MFSD8: variants seen among roughly 807,000 people sequenced by gnomAD.
MFSD8 encodes major facilitator superfamily domain containing 8, also known as major facilitator superfamily domain-containing protein 8.
Under a neutral mutation model 66.4 loss-of-function variants are expected in MFSD8, and 55 were observed. The ratio of observed to expected loss-of-function variants is 0.83; its 90% confidence interval spans 0.67 to 1.04. MFSD8 has a LOEUF of 1.04. Among genes scored for constraint, MFSD8 ranks in the 50% least tolerant of loss-of-function variants. The pLI is 0.00. For synonymous variants in MFSD8, 202 were observed against 212.8 expected (o/e 0.95, Z 0.44); for missense variants, 550 against 627.6 (o/e 0.88, Z 1.32).
chr4:127,928,853 T>A (rs942000632), intron 9 of MFSD8, among the ~76,000 whole-genome samples: 1 of 152,154 alleles, frequency 6.6e-6, no homozygotes, highest in African/African-American at 2.4e-5. Flanking sequence ...TGGTCATCAA[T>A]GGATGAATGG....
chr4:127,932,942 T>A (rs1408833218), intron 8 of MFSD8, 43 bp downstream of exon 8: 1 of 1,539,730 alleles, frequency 6.5e-7, no homozygotes, highest in Non-Finnish European at 9.0e-7. Context: ...GAAATAAAGG[T>A]TAAAACATAA....
chr4:127,939,711 T>C, intron 6 of MFSD8, 142 bp downstream of exon 6: 1 of 808,584 alleles, frequency 1.2e-6, no homozygotes, highest in Non-Finnish European at 1.9e-6. Flanking sequence ...CATGCTTTAG[T>C]ACTACCTGAC....
chr4:127,946,587 T>C (rs997953345), intron 3 of MFSD8, among the ~76,000 whole-genome samples: 1 of 152,246 alleles, frequency 6.6e-6, no homozygotes, highest in East Asian at 1.9e-4. Flanking sequence ...CCTTTAAAAA[T>C]ATATTTTAGG....
chr4:127,953,571 T>G (rs1476211608), intron 2 of MFSD8, among the ~76,000 whole-genome samples: 1 of 139,630 alleles, frequency 7.2e-6, no homozygotes, highest in African/African-American at 2.8e-5. Context: ...TTTTTTTTTT[T>G]GAGACGGAAT....
intron 9 of MFSD8, among the ~76,000 whole-genome samples, chr4:127,929,280 G>T (rs1219729494): frequency 8.5e-6 from 1 of 117,730 alleles, no homozygotes; most frequent in East Asian, 2.5e-4. Flanking sequence ...CTGAGATCGT[G>T]CCACTGCACT....
intron 7 of MFSD8, among the ~76,000 whole-genome samples, chr4:127,936,567 G>GA (rs949729145): frequency 1.7e-4 from 26 of 149,662 alleles, no homozygotes; most frequent in African/African-American, 2.9e-4. Context: ...CTCTATTAAA[G>GA]AAAAAAAAAC....
At chr4:127,964,017 G>C (rs1333284706) in intron 1 of MFSD8, among the ~76,000 whole-genome samples, 12 of 152,172 alleles carry the variant, frequency 7.9e-5, no homozygotes, top group Admixed American at 7.9e-4. Flanking sequence ...GTGTCGACTG[G>C]TGCATTCACA....
Position 127,938,835 on chromosome 4 carries a change from T to A in MFSD8, c.702A>T (p.Glu234Asp). ...GTCTTCCTGAGTCATCCACACGATG[T>A]TCTCTTAAAAAGAAAAACACAAATA... The part of the protein sequence containing the change: ...NIILILAILR[E>D]HRVDDSGRQC... Residue 234 changes from glutamate (E) to aspartate (D), a missense_variant, in exon 7 of 12, where the codon GAA (glutamate) becomes GAT (aspartate). By Grantham distance (45) the Glu-to-Asp change is conservative. Transcript: ENST00000641686. 1 of 1,607,060 alleles carries A rather than the reference T, an allele frequency of 6.2e-7. No homozygotes were observed. The highest frequency in any genetic ancestry group is 1.1e-5 in the South Asian group (1 of 90,346).
chr4:127,957,243 G>A lies in MFSD8; in HGVS notation c.154+258C>T, dbSNP rs114115648. On this transcript the variant is annotated intron_variant, in intron 2 of 11. Coordinates refer to ENST00000641686, the MANE Select transcript of MFSD8 (RefSeq NM_001371596.2). Reference sequence around the variant, plus strand: ...GAAACAAAGTTTGCTAGGGCTTGGGGGATGGGAAAATAGGGAGTTGTTTAA... The same window carrying A: ...GAAACAAAGTTTGCTAGGGCTTGGGAGATGGGAAAATAGGGAGTTGTTTAA... Among the ~76,000 whole-genome samples the A allele has an allele frequency of 0.026, 3,982 of 152,190 alleles. 154 individuals are homozygous for A. Among genetic ancestry groups the A allele is most frequent in the African/African-American group, 0.091 (3,779 of 41,504 alleles).
chr4:127,957,790 A>G (rs1045573334), intron 1 of MFSD8, among the ~76,000 whole-genome samples, 198 bp from the exon 2 acceptor site: 1 of 152,228 alleles, frequency 6.6e-6, no homozygotes, highest in African/African-American at 2.4e-5. Flanking sequence ...GCATTATTGT[A>G]TACAGAAATT....
In MFSD8 at chr4:127,950,147, A is replaced by G. The variant is rs4426798; in HGVS notation, c.155-300T>C. Among the ~76,000 whole-genome samples the G allele has an allele frequency of 0.03, 4,560 of 152,296 alleles. 288 individuals are homozygous for G. Among genetic ancestry groups the G allele is most frequent in the East Asian group, 0.26 (1,343 of 5,162 alleles). On this transcript the variant is annotated intron_variant, in intron 2 of 11. Transcript: ENST00000641686. ...ACCAAAAGCTTTGTTAAGTTTTTAT[A>G]GCAGAAATGAATGGAGGAAAGGCTA... is the stretch of plus-strand genomic sequence containing the variant.
At chr4:127,922,809 A>G (rs1427037642) in intron 9 of MFSD8, among the ~76,000 whole-genome samples, 1 of 152,176 alleles carries the variant, frequency 6.6e-6, no homozygotes, top group Non-Finnish European at 1.5e-5. Context: ...CTTCATGGTA[A>G]GTATTCTAGC....
At chr4:127,923,552 T>TTTTTTA (rs1553944537) in intron 9 of MFSD8, among the ~76,000 whole-genome samples, 194 of 130,560 alleles carry the variant, frequency 1.5e-3, no homozygotes, top group East Asian at 2.2e-3. Context: ...TTTATTTTTA[T>TTTTTTA]TTATTATTAT....
intron 7 of MFSD8, among the ~76,000 whole-genome samples, chr4:127,938,354 C>T (rs1467002597): frequency 3.3e-5 from 5 of 151,726 alleles, no homozygotes; most frequent in Admixed American, 1.3e-4. Context: ...GAGGCCGAGG[C>T]GGGTGGATCA....
At chr4:127,933,680 C>T (rs899769224) in intron 7 of MFSD8, 4 of 152,250 alleles carry the variant, frequency 2.6e-5, no homozygotes, top group Non-Finnish European at 4.4e-5. Flanking sequence ...TGGTATATCT[C>T]AATCCAAAAA....
chr4:127,939,769 T>C, intron 6 of MFSD8, 84 bp downstream of exon 6: 1 of 1,461,364 alleles, frequency 6.8e-7, no homozygotes, highest in Non-Finnish European at 9.4e-7. Context: ...GTACACTTCA[T>C]AAGGATAATT....
intron 1 of MFSD8, among the ~76,000 whole-genome samples, chr4:127,962,067 T>C (rs1038636716): frequency 6.6e-6 from 1 of 152,184 alleles, no homozygotes; most frequent in African/African-American, 2.4e-5. Flanking sequence ...ATAAAACAAC[T>C]GTTGCTGCCA....
At chr4:127,923,697 A>G (rs923806925) in intron 9 of MFSD8, among the ~76,000 whole-genome samples, 7 of 151,468 alleles carry the variant, frequency 4.6e-5, no homozygotes, top group African/African-American at 1.7e-4. Flanking sequence ...CTCCTGCCTC[A>G]GTCTCCTGAG....
chr4:127,926,483 C>G (rs935836033), intron 9 of MFSD8, among the ~76,000 whole-genome samples: 6 of 151,554 alleles, frequency 4.0e-5, no homozygotes, highest in African/African-American at 1.5e-4. Context: ...CTTTGTAGTA[C>G]TTACCACTAT....
Sources: gnomAD v4.1 joint callset for allele counts (sites outside exome capture counted in the v4.1 genomes callset) on GRCh38, gnomAD v4.1.1 for gene constraint, MANE v1.5 for transcripts, NCBI Gene and HGNC (gene_info 2026-07-23, HGNC 2026-07-21) for gene names.